The following NLRP14 variants were observed in gnomAD, a reference collection of about 807,000 sequenced individuals.
NLRP14 encodes NLR family pyrin domain containing 14, also known as NACHT, LRR and PYD domains-containing protein 14.
A neutral mutation model predicts 94.7 loss-of-function variants in NLRP14; 105 were observed. The observed-to-expected ratio is 1.11, with a 90% CI of 0.95 to 1.30. The LOEUF is 1.30. NLRP14 is among the 50% of genes most tolerant of loss of function. NLRP14 has a pLI of 0.00. For synonymous variants in NLRP14, 508 were observed against 459.9 expected (o/e 1.10, Z -1.34); for missense variants, 1,362 against 1,254.1 (o/e 1.09, Z -1.30).
At chr11:7,057,536 C>CTT in intron 6 of NLRP14, 141 bp from the exon 7 acceptor site, 1 of 764,266 alleles carries the variant, frequency 1.3e-6, no homozygotes, top group South Asian at 1.5e-5. Context: ...AGTTAAATAA[C>CTT]TTTTTTTCTG....
rs553367369 is a variant in NLRP14 at position 7,021,568 on chromosome 11, G to A, written c.-22+798G>A. 5.3e-5 allele frequency among the ~76,000 whole-genome samples: 8 copies of A among 152,250 alleles called. No homozygotes were observed. In the South Asian group the frequency reaches 1.7e-3, roughly 32 times the overall value. On this transcript the variant is annotated intron_variant, in intron 1 of 11. Transcript: ENST00000299481. Reference sequence around the variant, plus strand: ...GTCAATCATTGTTATCCACTAGGTGGTGGTAAGCAAGTTGTTTAACCGCTC... The same window carrying A: ...GTCAATCATTGTTATCCACTAGGTGATGGTAAGCAAGTTGTTTAACCGCTC...
At position 7,056,966 on chromosome 11, in the gene NLRP14, C is replaced by A. The variant is rs544110018; in HGVS notation, c.2292-711C>A. On this transcript the variant is annotated intron_variant, in intron 6 of 11. Transcript: ENST00000299481. ...AGACCCTGATTTTGATGACGAGAAA[C>A]AATTCTTGAGTGACTCAAGTTGGTA... Among the ~76,000 whole-genome samples the A allele has an allele frequency of 6.6e-5, 10 of 151,972 alleles. No homozygotes were observed. In the South Asian group the frequency reaches 2.1e-3, roughly 32 times the overall value.
chr11:7,072,330 G>A (rs1852812945), downstream of NLRP14, among the ~76,000 whole-genome samples: 2 of 152,200 alleles, frequency 1.3e-5, no homozygotes, highest in East Asian at 3.8e-4. Context: ...CCCTTTTCCT[G>A]TTATCAGCCG....
chr11:7,074,438 C>T (rs1193691215), downstream of NLRP14, among the ~76,000 whole-genome samples: 1 of 152,200 alleles, frequency 6.6e-6, no homozygotes, highest in Non-Finnish European at 1.5e-5. Flanking sequence ...ACACCTCTTT[C>T]ACATGATAGC....
chr11:7,078,288 A>G, the NLRP14 span, among the ~76,000 whole-genome samples: 1 of 151,442 alleles, frequency 6.6e-6, no homozygotes, highest in Non-Finnish European at 1.5e-5. Flanking sequence ...AATACAAAAA[A>G]TTAGCCGGGC....
chr11:7,039,270 G>A (rs1019423716), intron 2 of NLRP14, among the ~76,000 whole-genome samples: 5 of 151,994 alleles, frequency 3.3e-5, no homozygotes, highest in South Asian at 2.1e-4. Context: ...ATTATTGGAC[G>A]TAATCCAAGG....
intron 1 of NLRP14, among the ~76,000 whole-genome samples, chr11:7,031,365 A>G (rs1852092763): frequency 2.0e-5 from 3 of 152,188 alleles, no homozygotes; most frequent in Admixed American, 6.5e-5. Context: ...CAAGAGGATG[A>G]GCTGCCAGGA....
rs1270615249 is a variant in NLRP14 at position 7,042,929 on chromosome 11, A to T, written c.903A>T (p.Ala301=). The T allele has an allele frequency of 1.3e-5, 21 of 1,614,184 alleles. No individual in the cohort carries two copies. The East Asian group carries it at 4.7e-4, about 36-fold the overall frequency. ...TGAGGAAAGTGATGCTCCCTGAGGC[A>T]TCCTTATTGGTGACAACAAGACTCA... ...SLLRKVMLPE[A]SLLVTTRLTT... Residue 301 remains alanine (A), a synonymous_variant, in exon 4 of 12, where the codon GCA becomes GCT. Transcript: ENST00000299481.
chr11:7,073,424 T>TA (rs1255395712), downstream of NLRP14, among the ~76,000 whole-genome samples: 8 of 152,218 alleles, frequency 5.3e-5, no homozygotes, highest in African/African-American at 1.9e-4. Context: ...TGTGTGGGTT[T>TA]TTACCACACC....
At chr11:7,089,322 G>C in the NLRP14 span, 1 of 1,607,402 alleles carries the variant, frequency 6.2e-7, no homozygotes, top group Middle Eastern at 1.7e-4. Context: ...CGCCGCCAGA[G>C]ACATGAACGG....
At chr11:7,058,657 G>A (rs1055526683) in intron 8 of NLRP14, among the ~76,000 whole-genome samples, 8 of 151,976 alleles carry the variant, frequency 5.3e-5, no homozygotes, top group Admixed American at 5.3e-4. Context: ...CTGCAAAATA[G>A]TACCCGATGG....
chr11:7,044,298 G>T (rs1852318757), intron 4 of NLRP14, among the ~76,000 whole-genome samples: 1 of 152,158 alleles, frequency 6.6e-6, no homozygotes, highest in South Asian at 2.1e-4. Flanking sequence ...AGTCTTCAAG[G>T]AGGAATGTGG....
chr11:7,048,646 A>G (rs1160313920), intron 5 of NLRP14, among the ~76,000 whole-genome samples: 1 of 152,140 alleles, frequency 6.6e-6, no homozygotes, highest in African/African-American at 2.4e-5. Context: ...AGACAACTAG[A>G]TGTATGTTAT....
chr11:7,049,662 C>T lies in NLRP14; in HGVS notation c.2124-9C>T. ...TTTGTAATACCTCCTGCATATTTTTCTTCTGAAGGTTGAAATTTATCACTT... is the reference window on the plus strand; with the variant it reads ...TTTGTAATACCTCCTGCATATTTTTTTTCTGAAGGTTGAAATTTATCACTT... On this transcript the variant is annotated splice_polypyrimidine_tract_variant and intron_variant, in intron 5 of 11. Coordinates refer to ENST00000299481, the MANE Select transcript of NLRP14 (RefSeq NM_176822.4). 6.2e-7 allele frequency: 1 copy of T among 1,602,942 alleles called. No homozygotes were observed. The highest frequency in any genetic ancestry group is 1.7e-5 in the Admixed American group (1 of 59,994).
chr11:7,089,329 A>T, the NLRP14 span: 1 of 1,607,966 alleles, frequency 6.2e-7, no homozygotes, highest in Non-Finnish European at 8.5e-7. Context: ...AGAGACATGA[A>T]CGGCAAGTCC....
chr11:7,057,811 C>T lies in NLRP14; in HGVS notation c.2426C>T (p.Ala809Val). The T allele has an allele frequency of 6.2e-7, 1 of 1,612,154 alleles. No homozygotes were observed. The highest frequency in any genetic ancestry group is 8.5e-7 in the Non-Finnish European group (1 of 1,178,406). The change falls in exon 7 of 12, where the codon GCC (alanine) becomes GTC (valine). Residue 809 changes from alanine (A) to valine (V), a missense_variant. Coordinates refer to ENST00000299481, the MANE Select transcript of NLRP14 (RefSeq NM_176822.4). ...LDDGVQLLCE[A>V]LRHPKCYLER... ...GATGGAGTGCAGCTTTTGTGTGAGG[C>T]CTTAAGACATCCAAAGTGTTATCTA...
intron 1 of NLRP14, among the ~76,000 whole-genome samples, chr11:7,029,719 G>A (rs965984158): frequency 2.8e-4 from 42 of 152,190 alleles, no homozygotes; most frequent in African/African-American, 9.2e-4. Flanking sequence ...GCACATACTC[G>A]TGAATGTAAT....
At chr11:7,057,932 G>A in intron 7 of NLRP14, 85 bp downstream of exon 7, 1 of 1,129,146 alleles carries the variant, frequency 8.9e-7, no homozygotes, top group South Asian at 1.2e-5. Context: ...AAACTTCTTG[G>A]GTCTTGGCAC....
At chr11:7,070,254 T>A (rs1399768605) in intron 10 of NLRP14, 32 bp from the exon 11 acceptor site, 2 of 1,543,398 alleles carry the variant, frequency 1.3e-6, no homozygotes, top group Non-Finnish European at 1.8e-6. Context: ...TCGAATAAAT[T>A]CATTTTTATC....
Sources: allele counts gnomAD v4.1 joint callset (sites outside exome capture counted in the v4.1 genomes callset), GRCh38; gene constraint gnomAD v4.1.1; transcripts MANE v1.5; gene names NCBI Gene and HGNC (gene_info 2026-07-23, HGNC 2026-07-21).